The following SRGAP2 variants were observed in gnomAD, a reference collection of about 807,000 sequenced individuals.
The protein encoded by SRGAP2 is SLIT-ROBO Rho GTPase activating protein 2.
A neutral mutation model predicts 57.2 loss-of-function variants in SRGAP2; 15 were observed. The observed-to-expected ratio is 0.26, with a 90% CI of 0.18 to 0.40. The LOEUF (loss-of-function observed/expected upper bound fraction) is 0.40. Among genes scored for constraint, SRGAP2 ranks in the 10% least tolerant of loss-of-function variants. SRGAP2 has a pLI of 1.00. For synonymous variants in SRGAP2, 249 were observed against 248.0 expected (o/e 1.00, Z -0.04); for missense variants, 520 against 669.6 (o/e 0.78, Z 2.47).
intron 2 of SRGAP2, among the ~76,000 whole-genome samples, chr1:206,257,745 CAT>C (rs71568076): frequency 3.7e-5 from 3 of 81,222 alleles, no homozygotes; most frequent in African/African-American, 1.4e-4. Context: ...TATATATATA[CAT>C]ATATATATAC....
chr1:206,456,130 G>C (rs1022404590), intron 21 of SRGAP2: 27 of 152,212 alleles, frequency 1.8e-4, no homozygotes, highest in African/African-American at 6.5e-4. Context: ...ACTGGAAGGA[G>C]AATAAAGGAT....
intron 17 of SRGAP2, among the ~76,000 whole-genome samples, chr1:206,441,383 C>T (rs1274448436): frequency 1.3e-5 from 2 of 152,016 alleles, no homozygotes; most frequent in South Asian, 2.1e-4. Context: ...CAGAGGGGGC[C>T]GCGGGTGTGG....
chr1:206,456,453 A>C (rs1299306243), intron 21 of SRGAP2, among the ~76,000 whole-genome samples: 3 of 152,192 alleles, frequency 2.0e-5, no homozygotes, highest in African/African-American at 7.2e-5. Context: ...TAACCCTACA[A>C]TCAAAAGGTC....
At chr1:206,409,690 G>C (rs1659016916) in intron 10 of SRGAP2, among the ~76,000 whole-genome samples, 1 of 151,710 alleles carries the variant, frequency 6.6e-6, no homozygotes, top group Admixed American at 6.6e-5. Flanking sequence ...GCTAAGGTGG[G>C]AGGATTACTT....
intron 4 of SRGAP2, among the ~76,000 whole-genome samples, chr1:206,360,027 C>T (rs1364464863): frequency 1.3e-5 from 2 of 151,452 alleles, no homozygotes; most frequent in African/African-American, 2.4e-5. Flanking sequence ...AGGATGGTCT[C>T]GATCTCCTGA....
intron 4 of SRGAP2, among the ~76,000 whole-genome samples, chr1:206,354,738 C>G (rs1226087042): frequency 1.3e-5 from 2 of 151,484 alleles, no homozygotes; most frequent in African/African-American, 2.4e-5. Context: ...TTTTCTCTCT[C>G]TTTCTCTCTC....
intron 4 of SRGAP2, among the ~76,000 whole-genome samples, chr1:206,361,161 T>C (rs663896): frequency 0.013 from 1,310 of 104,270 alleles, 26 homozygotes; most frequent in East Asian, 0.047. Flanking sequence ...ATGAGTTCTA[T>C]GAAGGGGTCA....
intron 10 of SRGAP2, 69 bp downstream of exon 10, chr1:206,406,643 C>CA (rs781965187): frequency 1.3e-4 from 92 of 690,346 alleles, no homozygotes; most frequent in Non-Finnish European, 2.1e-4. Context: ...ATTTGGAACT[C>CA]AGAGTCCTTG....
intron 3 of SRGAP2, among the ~76,000 whole-genome samples, chr1:206,335,485 T>C (rs1352600200): frequency 6.7e-6 from 1 of 150,280 alleles, no homozygotes; most frequent in Non-Finnish European, 1.5e-5. Flanking sequence ...AAGATGTGGG[T>C]TGTGGCTGAT....
intron 11 of SRGAP2, among the ~76,000 whole-genome samples, chr1:206,418,926 G>GTGTGTGTT (rs1660034062): frequency 1.7e-4 from 26 of 150,546 alleles, no homozygotes; most frequent in Non-Finnish European, 3.2e-4. Flanking sequence ...GTGTGTGTGT[G>GTGTGTGTT]TGTGTGTGTG....
intron 16 of SRGAP2, among the ~76,000 whole-genome samples, chr1:206,438,506 A>T (rs1226388269): frequency 2.6e-5 from 4 of 152,252 alleles, no homozygotes; most frequent in Non-Finnish European, 5.9e-5. Context: ...CTTACCTGCT[A>T]AATGTATTAA....
In SRGAP2 at chr1:206,446,165, C is replaced by CT. The variant is rs782655788; in HGVS notation, c.1965_1966insT (p.Asp656Ter). 1.3e-6 allele frequency: 1 copy of CT among 780,936 alleles called. No homozygotes were observed. The highest frequency in any genetic ancestry group is 2.4e-6 in the Non-Finnish European group (1 of 418,006). The allele number at this position is 780,936 out of a possible 1,614,324, so 48.4% of individuals were successfully genotyped here. A position where few individuals can be genotyped will look rare whatever the true frequency, so the allele number is the denominator to read the frequency against. On this transcript the variant is annotated frameshift_variant, in exon 18 of 23. Coordinates refer to ENST00000573034, the MANE Select transcript of SRGAP2 (RefSeq NM_015326.5). LOFTEE classifies it high-confidence loss of function. The stretch of plus-strand genomic sequence containing the variant: ...CGCTAATGTCAGTGCCAGAGGGCCA[C>CT]GACCAGGTGTCCTGCCAAGCCCACG...
chr1:206,370,767 A>T (rs11485131), intron 4 of SRGAP2, among the ~76,000 whole-genome samples: 13,853 of 152,250 alleles, frequency 0.091, 1,355 homozygotes, highest in African/African-American at 0.24. Context: ...TCAATAATTT[A>T]AAAAAATCAA....
At chr1:206,319,150 G>A (rs1478038800) in intron 3 of SRGAP2, among the ~76,000 whole-genome samples, 3 of 150,980 alleles carry the variant, frequency 2.0e-5, no homozygotes, top group Admixed American at 6.6e-5. Context: ...GGTGGCTCAC[G>A]CCTGTAATCC....
rs1170438047 is a variant in SRGAP2 at position 206,315,882 on chromosome 1, T to TA, written c.260+12410dup. ...CCTGTGAAATGTTGACAGTAATACT[T>TA]ACCTTGAAGGATTCTTCTAAGGATA... On this transcript the variant is annotated intron_variant, in intron 3 of 22. Transcript: ENST00000573034. Among the ~76,000 whole-genome samples the TA allele has an allele frequency of 1.2e-4, 18 of 151,762 alleles. No homozygotes were observed. The East Asian group carries it at 3.5e-3, about 29-fold the overall frequency.
At chr1:206,437,771 C>T in intron 15 of SRGAP2, 193 bp from the exon 16 acceptor site, 1 of 590,388 alleles carries the variant, frequency 1.7e-6, no homozygotes, top group Non-Finnish European at 3.0e-6. Context: ...GTGCTTTGGT[C>T]CTGGAGCCCC....
intron 13 of SRGAP2, among the ~76,000 whole-genome samples, chr1:206,421,914 A>C (rs1198677195): frequency 6.6e-6 from 1 of 152,238 alleles, no homozygotes; most frequent in Non-Finnish European, 1.5e-5. Context: ...TGGATAATCT[A>C]AACAGCACTT....
chr1:206,289,207 A>G (rs1157531183), intron 2 of SRGAP2, among the ~76,000 whole-genome samples: 47 of 137,926 alleles, frequency 3.4e-4, no homozygotes, highest in Non-Finnish European at 6.1e-4. Flanking sequence ...ACTCTCCTCC[A>G]TTACTTTGAA....
intron 2 of SRGAP2, among the ~76,000 whole-genome samples, chr1:206,267,701 G>A (rs1669948331): frequency 6.6e-6 from 1 of 151,460 alleles, no homozygotes; most frequent in Non-Finnish European, 1.5e-5. Context: ...ATCAGGTATG[G>A]ATTTAAAAAT....
Sources: gnomAD v4.1 joint callset for allele counts (sites outside exome capture counted in the v4.1 genomes callset) on GRCh38, gnomAD v4.1.1 for gene constraint, MANE v1.5 for transcripts, NCBI Gene and HGNC (gene_info 2026-07-23, HGNC 2026-07-21) for gene names.